Variants in RSPO3 observed in about 807,000 individuals in gnomAD.
RSPO3 encodes R-spondin 3.
RSPO3 carries 17 observed loss-of-function variants against 36.5 expected under a neutral mutation model. The ratio of observed to expected loss-of-function variants is 0.47; its 90% CI spans 0.32 to 0.70. The LOEUF (loss-of-function observed/expected upper bound fraction) is 0.70. RSPO3 is among the 30% of genes least tolerant of loss of function. The pLI is 0.04. For synonymous variants in RSPO3, 108 were observed against 107.0 expected, an observed-to-expected ratio of 1.01 and a Z score of -0.06; for missense variants, 294 against 322.5, an observed-to-expected ratio of 0.91 and a Z score of 0.68.
At chr6:127,173,492 T>C (rs1774984675) in intron 4 of RSPO3, among the ~76,000 whole-genome samples, 1 of 151,896 alleles carries the variant, frequency 6.6e-6, no homozygotes. Flanking sequence ...TTAAAATTAA[T>C]ACTTAATCCA....
intron 1 of RSPO3, among the ~76,000 whole-genome samples, chr6:127,137,509 G>C (rs960828181): frequency 6.6e-6 from 1 of 152,174 alleles, no homozygotes; most frequent in African/African-American, 2.4e-5. Flanking sequence ...GTTTGAACTA[G>C]ATACCTCTAA....
intron 4 of RSPO3, among the ~76,000 whole-genome samples, chr6:127,176,098 C>T (rs767147524): frequency 6.6e-6 from 1 of 151,624 alleles, no homozygotes; most frequent in Non-Finnish European, 1.5e-5. Flanking sequence ...CATGGAATCA[C>T]CATAAAAAGG....
At chr6:127,159,280 A>T (rs1774658254) in intron 4 of RSPO3, among the ~76,000 whole-genome samples, 1 of 152,188 alleles carries the variant, frequency 6.6e-6, no homozygotes, top group Non-Finnish European at 1.5e-5. Flanking sequence ...CTCACCAAGA[A>T]TAAAAGAAAT....
At chr6:127,192,480 C>T (rs1056345439) in intron 4 of RSPO3, among the ~76,000 whole-genome samples, 1 of 152,150 alleles carries the variant, frequency 6.6e-6, no homozygotes, top group Non-Finnish European at 1.5e-5. Context: ...AGAGTTCACA[C>T]AACTAGTTGG....
chr6:127,148,637 T>G lies in RSPO3; in HGVS notation c.98-11T>G. The stretch of plus-strand genomic sequence containing the variant: ...AACCTTTGTAATGTCTTTCTACATT[T>G]GTCTCCACAGTGCATCCTAACGTTA... On this transcript the variant is annotated splice_polypyrimidine_tract_variant and intron_variant, in intron 1 of 4. Coordinates refer to ENST00000356698, the MANE Select transcript of RSPO3 (RefSeq NM_032784.5). The G allele has an allele frequency of 6.2e-7, 1 of 1,600,696 alleles. No individual in the cohort carries two copies.
At chr6:127,152,725 T>C (rs1774514980) in intron 3 of RSPO3, among the ~76,000 whole-genome samples, 1 of 152,114 alleles carries the variant, frequency 6.6e-6, no homozygotes, top group South Asian at 2.1e-4. Context: ...TCACAGTGTA[T>C]CTGCTTTCCA....
intron 1 of RSPO3, among the ~76,000 whole-genome samples, chr6:127,129,497 G>A (rs1774008334): frequency 6.6e-6 from 1 of 152,046 alleles, no homozygotes; most frequent in South Asian, 2.1e-4. Context: ...TAATTAGACT[G>A]AAGAAAGCCA....
intron 1 of RSPO3, among the ~76,000 whole-genome samples, chr6:127,137,502 T>G (rs567306844): frequency 2.5e-4 from 38 of 152,348 alleles, no homozygotes; most frequent in African/African-American, 7.5e-4. Flanking sequence ...GAAAGCAGTT[T>G]GAACTAGATA....
At chr6:127,144,767 G>A (rs551049999) in intron 1 of RSPO3, among the ~76,000 whole-genome samples, 4 of 151,080 alleles carry the variant, frequency 2.6e-5, no homozygotes, top group East Asian at 2.0e-4. Context: ...GATTACAGAC[G>A]TGCACCACCA....
At chr6:127,180,487 CAAAAAAAAAAA>C (rs71543112) in intron 4 of RSPO3, among the ~76,000 whole-genome samples, 39 of 42,644 alleles carry the variant, frequency 9.1e-4, no homozygotes, top group South Asian at 1.8e-3. Context: ...TGGAAGAAAA[CAAAAAAAAAAA>C]AAAAAAAAAA....
At chr6:127,162,786 A>C (rs1009054471) in intron 4 of RSPO3, among the ~76,000 whole-genome samples, 5 of 152,198 alleles carry the variant, frequency 3.3e-5, no homozygotes, top group Non-Finnish European at 7.3e-5. Flanking sequence ...TGTGATTTGT[A>C]CCACCAGTAG....
At position 127,196,196 on chromosome 6, in the gene RSPO3, G is replaced by A; in HGVS notation, c.*189G>A. The A allele has an allele frequency of 2.6e-6, 1 of 389,072 alleles. No individual in the cohort carries two copies. The highest frequency in any genetic ancestry group is 4.5e-6 in the Non-Finnish European group (1 of 221,354). 24.1% of individuals were successfully genotyped at this position (389,072 alleles called of 1,614,324 possible). The stretch of plus-strand genomic sequence containing the variant: ...ACAAAGAGCCAAAAGATCAAAGAAG[G>A]GATACTTTCAGATGGTTGTCTTGTG... On this transcript the variant is annotated 3_prime_UTR_variant, in exon 5 of 5. Transcript: ENST00000356698.
intron 4 of RSPO3, among the ~76,000 whole-genome samples, chr6:127,177,253 G>T (rs1340192933): frequency 6.6e-6 from 1 of 151,878 alleles, no homozygotes; most frequent in African/African-American, 2.4e-5. Flanking sequence ...ACTAAAATCT[G>T]CTTAAGTATC....
intron 4 of RSPO3, among the ~76,000 whole-genome samples, chr6:127,193,211 A>C (rs1257033971): frequency 6.6e-6 from 1 of 152,206 alleles, no homozygotes; most frequent in Non-Finnish European, 1.5e-5. Flanking sequence ...TAAAGTTATA[A>C]TACCGAGTTT....
chr6:127,179,154 T>C (rs1457694100), intron 4 of RSPO3, among the ~76,000 whole-genome samples: 1 of 151,838 alleles, frequency 6.6e-6, no homozygotes. Flanking sequence ...AAAAACACAG[T>C]GGAGAATACC....
intron 4 of RSPO3, chr6:127,192,788 G>T: frequency 1.7e-6 from 1 of 605,724 alleles, no homozygotes; most frequent in Non-Finnish European, 2.1e-6. Flanking sequence ...ATATATATAT[G>T]TGTGTGTATA....
intron 4 of RSPO3, among the ~76,000 whole-genome samples, chr6:127,189,201 T>C (rs571369293): frequency 7.2e-5 from 11 of 152,082 alleles, no homozygotes; most frequent in South Asian, 2.1e-4. Flanking sequence ...AGGGTCCTAA[T>C]TGGGAGCTGA....
chr6:127,187,422 C>A (rs1452542887), intron 4 of RSPO3, among the ~76,000 whole-genome samples: 2 of 152,092 alleles, frequency 1.3e-5, no homozygotes, highest in East Asian at 3.9e-4. Context: ...ATTCATCCAA[C>A]AAGCTAGTCA....
intron 1 of RSPO3, among the ~76,000 whole-genome samples, chr6:127,135,181 G>A (rs1774129414): frequency 6.6e-6 from 1 of 152,134 alleles, no homozygotes; most frequent in Non-Finnish European, 1.5e-5. Flanking sequence ...CAGCACTTTG[G>A]GAGGCCAAGG....
Sources: gnomAD v4.1 joint callset for allele counts (sites outside exome capture counted in the v4.1 genomes callset) on GRCh38, gnomAD v4.1.1 for gene constraint, MANE v1.5 for transcripts, NCBI Gene and HGNC (gene_info 2026-07-23, HGNC 2026-07-21) for gene names.